CADM2: variants seen among roughly 807,000 people sequenced by gnomAD.
The protein encoded by CADM2 is immunoglobulin superfamily member 4D.
A neutral mutation model predicts 49.8 loss-of-function variants in CADM2; 12 were observed. The observed-to-expected ratio is 0.24, with a 90% CI of 0.15 to 0.39. The LOEUF (loss-of-function observed/expected upper bound fraction) is 0.39. CADM2 is among the 10% of genes least tolerant of loss of function. CADM2 has a pLI of 1.00. For synonymous variants in CADM2, 214 were observed against 175.4 expected, an observed-to-expected ratio of 1.22 and a Z score of -1.74; for missense variants, 378 against 492.3, an observed-to-expected ratio of 0.77 and a Z score of 2.20.
intron 2 of CADM2, among the ~76,000 whole-genome samples, chr3:85,728,093 AC>A (rs1342356951): frequency 6.6e-6 from 1 of 152,200 alleles, no homozygotes; most frequent in Non-Finnish European, 1.5e-5. Context: ...GAATTATAAT[AC>A]GCAGGCTGCT....
chr3:85,824,307 A>T (rs2073778817), intron 3 of CADM2, among the ~76,000 whole-genome samples: 1 of 152,174 alleles, frequency 6.6e-6, no homozygotes, highest in Non-Finnish European at 1.5e-5. Flanking sequence ...GCCTTTGCTT[A>T]TCCATGGTTT....
chr3:85,893,001 C>A (rs1714674102), intron 5 of CADM2, among the ~76,000 whole-genome samples: 2 of 152,066 alleles, frequency 1.3e-5, no homozygotes, highest in East Asian at 1.9e-4. Flanking sequence ...CAGGTGGTCT[C>A]AGAGGGAGAT....
chr3:85,096,590 AAGTATT>A (rs2037806407), intron 1 of CADM2, among the ~76,000 whole-genome samples: 1 of 151,970 alleles, frequency 6.6e-6, no homozygotes, highest in African/African-American at 2.4e-5. Flanking sequence ...ATATCTATAA[AAGTATT>A]AGTACAGTGA....
chr3:85,346,836 TA>T (rs1285379261), intron 1 of CADM2, among the ~76,000 whole-genome samples: 1 of 152,210 alleles, frequency 6.6e-6, no homozygotes, highest in Non-Finnish European at 1.5e-5. Flanking sequence ...ATTTTATCTT[TA>T]GGGAGAAATT....
chr3:85,643,329 ATTG>A (rs2064784148), intron 1 of CADM2, among the ~76,000 whole-genome samples: 2 of 152,122 alleles, frequency 1.3e-5, no homozygotes, highest in Admixed American at 1.3e-4. Context: ...AATATTTTTT[ATTG>A]TTAAAATTGT....
At chr3:85,716,944 T>C (rs2067315744) in intron 1 of CADM2, among the ~76,000 whole-genome samples, 2 of 152,210 alleles carry the variant, frequency 1.3e-5, no homozygotes, top group Non-Finnish European at 2.9e-5. Flanking sequence ...CCTCCAGCTT[T>C]GTTCTTTTTG....
intron 7 of CADM2, 149 bp downstream of exon 7, chr3:85,936,006 T>A: frequency 4.1e-6 from 2 of 488,442 alleles, no homozygotes; most frequent in Non-Finnish European, 7.6e-6. Flanking sequence ...AACCATGTCT[T>A]CATTAAGGTC....
At chr3:85,477,668 G>A (rs1285982649) in intron 1 of CADM2, among the ~76,000 whole-genome samples, 2 of 151,780 alleles carry the variant, frequency 1.3e-5, no homozygotes, top group African/African-American at 4.8e-5. Flanking sequence ...TTTTTCTTTG[G>A]GGTCTGTCTG....
chr3:84,996,596 C>T (rs1038016757), intron 1 of CADM2, among the ~76,000 whole-genome samples: 11 of 152,162 alleles, frequency 7.2e-5, no homozygotes, highest in African/African-American at 2.6e-4. Flanking sequence ...TGAAATTACC[C>T]TTATTAATTA....
intron 5 of CADM2, among the ~76,000 whole-genome samples, chr3:85,895,458 T>A (rs1427593054): frequency 1.3e-5 from 2 of 152,208 alleles, no homozygotes. Context: ...CTACATTTGA[T>A]TTTACAGGCT....
intron 1 of CADM2, among the ~76,000 whole-genome samples, chr3:84,999,366 G>A (rs73843257): frequency 0.02 from 3,007 of 151,972 alleles, 99 homozygotes; most frequent in African/African-American, 0.068. Context: ...AATATATATC[G>A]TTGAATCATT....
intron 6 of CADM2, among the ~76,000 whole-genome samples, chr3:85,925,981 T>TA (rs952778911): frequency 2.0e-5 from 3 of 151,254 alleles, no homozygotes; most frequent in Admixed American, 6.6e-5. Flanking sequence ...ATTAAAAATA[T>TA]AAAAAAATGA....
intron 1 of CADM2, among the ~76,000 whole-genome samples, chr3:85,123,649 T>C (rs1177299486): frequency 6.6e-6 from 1 of 152,116 alleles, no homozygotes; most frequent in Non-Finnish European, 1.5e-5. Context: ...CAGCAGTTTA[T>C]TGATATCAGG....
At chr3:85,626,904 T>G (rs1200788505) in intron 1 of CADM2, among the ~76,000 whole-genome samples, 1 of 152,018 alleles carries the variant, frequency 6.6e-6, no homozygotes, top group African/African-American at 2.4e-5. Context: ...TTACTGTGGA[T>G]GAATACTTAA....
At chr3:85,606,157 A>T (rs2063531758) in intron 1 of CADM2, among the ~76,000 whole-genome samples, 2 of 152,100 alleles carry the variant, frequency 1.3e-5, no homozygotes, top group Admixed American at 1.3e-4. Flanking sequence ...CTTTTTTATT[A>T]TTATTAATCC....
chr3:85,726,991 A>C (rs1342559058), intron 2 of CADM2, among the ~76,000 whole-genome samples: 1 of 152,086 alleles, frequency 6.6e-6, no homozygotes, highest in Admixed American at 6.6e-5. Context: ...ATCGATTTCT[A>C]TTTATGATTA....
At chr3:85,659,709 C>A (rs575389591) in intron 1 of CADM2, among the ~76,000 whole-genome samples, 1 of 152,166 alleles carries the variant, frequency 6.6e-6, no homozygotes, top group East Asian at 1.9e-4. Flanking sequence ...ATTGTCCAGG[C>A]CTTAATGCAC....
At chr3:86,014,655 C>G in intron 8 of CADM2, 1 of 1,569,486 alleles carries the variant, frequency 6.4e-7, no homozygotes, top group Non-Finnish European at 8.7e-7. Flanking sequence ...ATGCTTATCT[C>G]TGGTACCCTC....
At chr3:85,340,856 A>G (rs2045221030) in intron 1 of CADM2, among the ~76,000 whole-genome samples, 1 of 151,482 alleles carries the variant, frequency 6.6e-6, no homozygotes, top group Non-Finnish European at 1.5e-5. Flanking sequence ...TTATACTTGG[A>G]GATTATTGTT....
Sources: gnomAD v4.1 joint callset for allele counts (sites outside exome capture counted in the v4.1 genomes callset) on GRCh38, gnomAD v4.1.1 for gene constraint, MANE v1.5 for transcripts, NCBI Gene and HGNC (gene_info 2026-07-23, HGNC 2026-07-21) for gene names.